Variants in STMND1 observed in about 807,000 individuals in gnomAD.
STMND1 encodes stathmin domain-containing protein 1.
Under a neutral mutation model 23.0 loss-of-function variants are expected in STMND1, and 17 were observed. The observed-to-expected ratio is 0.74, with a 90% confidence interval of 0.51 to 1.11. The LOEUF (loss-of-function observed/expected upper bound fraction) is 1.11. STMND1 is among the 50% of genes least tolerant of loss of function. The pLI is 0.00. For synonymous variants in STMND1, 114 were observed against 119.9 expected (o/e 0.95, Z 0.32); for missense variants, 305 against 329.1 (o/e 0.93, Z 0.57).
intron 3 of STMND1, among the ~76,000 whole-genome samples, chr6:17,121,792 T>C (rs1186358689): frequency 2.0e-5 from 3 of 152,192 alleles, no homozygotes; most frequent in Non-Finnish European, 4.4e-5. Flanking sequence ...TAATCTGTCA[T>C]AGTTTTTCTT....
At chr6:17,111,980 A>G (rs919165618) in intron 1 of STMND1, among the ~76,000 whole-genome samples, 1 of 152,196 alleles carries the variant, frequency 6.6e-6, no homozygotes, top group African/African-American at 2.4e-5. Flanking sequence ...TCAACTCTCA[A>G]AGGTCCTACC....
chr6:17,118,060 T>C (rs1761183018), intron 2 of STMND1, among the ~76,000 whole-genome samples: 1 of 152,182 alleles, frequency 6.6e-6, no homozygotes, highest in Non-Finnish European at 1.5e-5. Context: ...ATTCAACTCA[T>C]TATGTTTATG....
chr6:17,119,557 A>C (rs1162451428), intron 2 of STMND1, among the ~76,000 whole-genome samples: 2 of 152,086 alleles, frequency 1.3e-5, no homozygotes, highest in African/African-American at 4.8e-5. Context: ...TATAAAAGTT[A>C]GGCATGGTGG....
intron 2 of STMND1, 39 bp from the exon 3 acceptor site, chr6:17,120,567 TA>T: frequency 7.0e-7 from 1 of 1,437,352 alleles, no homozygotes. Flanking sequence ...TCTTCATTCT[TA>T]AATTTTGCTT....
chr6:17,114,368 G>A (rs1277073379), intron 1 of STMND1, among the ~76,000 whole-genome samples: 1 of 151,562 alleles, frequency 6.6e-6, no homozygotes, highest in Non-Finnish European at 1.5e-5. Context: ...GGGTTCAAGC[G>A]ATTCTCCTGC....
intron 2 of STMND1, among the ~76,000 whole-genome samples, chr6:17,118,576 T>C (rs1761189377): frequency 6.6e-6 from 1 of 152,212 alleles, no homozygotes; most frequent in African/African-American, 2.4e-5. Context: ...CTGCTGTAAA[T>C]ATCAAGCCAA....
intron 1 of STMND1, among the ~76,000 whole-genome samples, chr6:17,105,660 A>AAAAT (rs1761014220): frequency 1.3e-5 from 2 of 149,164 alleles, no homozygotes; most frequent in Admixed American, 6.7e-5. Flanking sequence ...AAAATAAAAT[A>AAAAT]AAATACCTGT....
At chr6:17,122,671 T>G (rs866667424) in intron 3 of STMND1, among the ~76,000 whole-genome samples, 4 of 148,500 alleles carry the variant, frequency 2.7e-5, no homozygotes, top group African/African-American at 1.0e-4. Flanking sequence ...GAAAGGAGAT[T>G]GCCAAACCTT....
chr6:17,104,955 A>T (rs1761000440), intron 1 of STMND1, among the ~76,000 whole-genome samples: 1 of 152,150 alleles, frequency 6.6e-6, no homozygotes, highest in African/African-American at 2.4e-5. Flanking sequence ...TACAAGAAGC[A>T]TGGCTGGAAA....
At chr6:17,111,706 T>C (rs1761098989) in intron 1 of STMND1, among the ~76,000 whole-genome samples, 1 of 152,224 alleles carries the variant, frequency 6.6e-6, no homozygotes. Context: ...TATTAAAATA[T>C]AATTCACATG....
chr6:17,120,503 T>C, intron 2 of STMND1, 104 bp from the exon 3 acceptor site: 1 of 796,074 alleles, frequency 1.3e-6, no homozygotes. Context: ...GAAACTAAGA[T>C]CTAATTAAGT....
chr6:17,104,612 A>C (rs931384662), intron 1 of STMND1, among the ~76,000 whole-genome samples: 1 of 152,058 alleles, frequency 6.6e-6, no homozygotes, highest in Non-Finnish European at 1.5e-5. Flanking sequence ...AAGTCTCCTA[A>C]TTGCTCTCCC....
chr6:17,130,941 T>G lies in STMND1; in HGVS notation c.*60T>G. Reference sequence around the variant, plus strand: ...TTCTCCCCATTTGTGACATTTGTAGTATGTCTCATATTCTTTGACTGACTG... The same window carrying G: ...TTCTCCCCATTTGTGACATTTGTAGGATGTCTCATATTCTTTGACTGACTG... On this transcript the variant is annotated 3_prime_UTR_variant, in exon 5 of 5. Coordinates refer to ENST00000536551, the MANE Select transcript of STMND1 (RefSeq NM_001190766.2). The G allele has an allele frequency of 1.4e-6, 2 of 1,405,450 alleles. No individual in the cohort carries two copies. Among genetic ancestry groups the G allele is most frequent in the Non-Finnish European group, 1.9e-6 (2 of 1,057,184 alleles). The allele number at this position is 1,405,450 out of a possible 1,614,324, so 87.1% of individuals were successfully genotyped here.
chr6:17,117,667 CT>C (rs34107338), intron 2 of STMND1, among the ~76,000 whole-genome samples: 837 of 49,546 alleles, frequency 0.017, 1 homozygote, highest in African/African-American at 0.066. Context: ...TTGGGTTACG[CT>C]TTTTTTTTTT....
chr6:17,111,746 T>A (rs955135193), intron 1 of STMND1, among the ~76,000 whole-genome samples: 1 of 152,196 alleles, frequency 6.6e-6, no homozygotes, highest in African/African-American at 2.4e-5. Context: ...CTGTTTGTGC[T>A]GCTACAACAG....
intron 2 of STMND1, 49 bp downstream of exon 2, chr6:17,115,188 T>G (rs376787628): frequency 1.3e-6 from 2 of 1,483,844 alleles, no homozygotes; most frequent in Non-Finnish European, 1.8e-6. Context: ...AAATACTGTT[T>G]CTCTAAATAC....
At chr6:17,129,558 T>A (rs1761357835) in intron 4 of STMND1, among the ~76,000 whole-genome samples, 2 of 143,256 alleles carry the variant, frequency 1.4e-5, no homozygotes, top group Admixed American at 1.4e-4. Flanking sequence ...AAAAAAAAAA[T>A]TGTTGGCCAG....
chr6:17,102,757 CTTCTGAAAAATAG>C, intron 1 of STMND1, among the ~76,000 whole-genome samples: 1 of 152,232 alleles, frequency 6.6e-6, no homozygotes, highest in Middle Eastern at 3.4e-3. Context: ...ATATTATTGG[CTTCTGAAAAATAG>C]GCCCTTTGGT....
intron 1 of STMND1, among the ~76,000 whole-genome samples, chr6:17,113,805 C>T (rs551915179): frequency 6.6e-5 from 10 of 152,150 alleles, no homozygotes; most frequent in African/African-American, 1.9e-4. Flanking sequence ...AATATAGCTT[C>T]GTTATTATAA....
Sources: gnomAD v4.1 joint callset for allele counts (sites outside exome capture counted in the v4.1 genomes callset) on GRCh38, gnomAD v4.1.1 for gene constraint, MANE v1.5 for transcripts, NCBI Gene and HGNC (gene_info 2026-07-23, HGNC 2026-07-21) for gene names.